Variants in KIF18A observed in about 807,000 individuals in gnomAD.
The protein encoded by KIF18A is kinesin family member 18A.
In KIF18A, 67 loss-of-function variants were observed where a neutral mutation model predicts 103.3. The ratio of observed to expected loss-of-function variants is 0.65; its 90% CI spans 0.53 to 0.79. The LOEUF is 0.79. Ranked by LOEUF, KIF18A falls within the 30% of genes least tolerant of loss-of-function variation. The pLI, the probability that KIF18A is intolerant of heterozygous loss-of-function variation, is 0.00. For missense variants in KIF18A, 1,032 were observed against 1,062.5 expected (o/e 0.97, Z 0.40); for synonymous variants, 367 against 355.5 (o/e 1.03, Z -0.36).
chr11:28,028,750 T>A (rs536718968), intron 15 of KIF18A, among the ~76,000 whole-genome samples: 1 of 152,002 alleles, frequency 6.6e-6, no homozygotes, highest in East Asian at 1.9e-4. Context: ...GCTGGTTTTT[T>A]GAAAAGATCA....
At chr11:28,045,705 C>T (rs112264868) in intron 13 of KIF18A, among the ~76,000 whole-genome samples, 4 of 152,098 alleles carry the variant, frequency 2.6e-5, no homozygotes, top group African/African-American at 9.6e-5. Flanking sequence ...CTTCATCTCT[C>T]ATGATTAGAA....
intron 1 of KIF18A, among the ~76,000 whole-genome samples, chr11:28,105,650 T>G (rs1022910591): frequency 2.0e-5 from 3 of 152,190 alleles, no homozygotes; most frequent in Non-Finnish European, 4.4e-5. Context: ...TATATTTCCT[T>G]ACTTTTGATA....
intron 10 of KIF18A, among the ~76,000 whole-genome samples, chr11:28,071,845 C>T (rs1851020053): frequency 6.6e-6 from 1 of 152,142 alleles, no homozygotes; most frequent in African/African-American, 2.4e-5. Context: ...TTGTACCTAA[C>T]TGAAGGCAGG....
At chr11:28,056,658 A>T (rs1309784001) in intron 13 of KIF18A, among the ~76,000 whole-genome samples, 1 of 151,966 alleles carries the variant, frequency 6.6e-6, no homozygotes, top group Non-Finnish European at 1.5e-5. Flanking sequence ...ATAACATAAT[A>T]AAACTATTAC....
At chr11:28,097,163 C>A (rs916233860) in intron 2 of KIF18A, among the ~76,000 whole-genome samples, 12 of 152,080 alleles carry the variant, frequency 7.9e-5, no homozygotes, top group African/African-American at 2.9e-4. Flanking sequence ...CCTCAGTCTC[C>A]TCCTATCCTT....
At chr11:28,025,513 C>T (rs942201933) in intron 15 of KIF18A, among the ~76,000 whole-genome samples, 2 of 151,898 alleles carry the variant, frequency 1.3e-5, no homozygotes, top group Non-Finnish European at 2.9e-5. Context: ...CTACTTTTTA[C>T]TCATAGCATG....
intron 12 of KIF18A, 36 bp from the exon 13 acceptor site, chr11:28,059,197 T>A: frequency 2.2e-6 from 3 of 1,357,684 alleles, no homozygotes; most frequent in Non-Finnish European, 3.1e-6. Flanking sequence ...GAGAGATAAA[T>A]ATGACATTTT....
rs190679537 is a variant in KIF18A at position 28,090,881 on chromosome 11, A to T, written c.589-154T>A. Among the ~76,000 whole-genome samples the T allele has an allele frequency of 4.4e-3, 671 of 152,292 alleles. 5 individuals carry two copies. The highest frequency in any genetic ancestry group is 0.014 in the African/African-American group (579 of 41,554). On this transcript the variant is annotated intron_variant, in intron 4 of 16. Transcript: ENST00000263181. ...AATACTAACTTTGTCTCATCTGCTT[A>T]GTATTGTGTGTGTTTATATGAAGAA...
chr11:28,045,361 G>A (rs1850618078), intron 13 of KIF18A, among the ~76,000 whole-genome samples: 1 of 150,958 alleles, frequency 6.6e-6, no homozygotes, highest in Non-Finnish European at 1.5e-5. Context: ...AGATTTGGCT[G>A]AGGACTGTGA....
At chr11:28,066,996 A>G (rs1446457248) in intron 11 of KIF18A, among the ~76,000 whole-genome samples, 1 of 151,792 alleles carries the variant, frequency 6.6e-6, no homozygotes, top group African/African-American at 2.4e-5. Flanking sequence ...CACTCCACTT[A>G]AGCTCATAAT....
intron 13 of KIF18A, among the ~76,000 whole-genome samples, chr11:28,054,619 G>T (rs970052580): frequency 6.6e-6 from 1 of 152,086 alleles, no homozygotes; most frequent in Non-Finnish European, 1.5e-5. Context: ...TATAAACACC[G>T]TTCCTATTAT....
chr11:28,069,203 C>T, intron 11 of KIF18A, 56 bp downstream of exon 11: 1 of 1,353,404 alleles, frequency 7.4e-7, no homozygotes, highest in South Asian at 1.2e-5. Context: ...AAAAAGAACA[C>T]ATTTTAGGAG....
chr11:28,032,106 G>GA (rs34227456), intron 15 of KIF18A, among the ~76,000 whole-genome samples: 13,324 of 149,100 alleles, frequency 0.089, 1,041 homozygotes, highest in East Asian at 0.36. Flanking sequence ...GAAATAATTT[G>GA]AAAAAAAAAG....
chr11:28,030,516 A>C (rs990755812), intron 15 of KIF18A, among the ~76,000 whole-genome samples: 2 of 152,182 alleles, frequency 1.3e-5, no homozygotes, highest in South Asian at 2.1e-4. Context: ...CTTACACCTT[A>C]TACAAAAATT....
At chr11:28,044,342 CAT>C (rs1269225943) in intron 13 of KIF18A, among the ~76,000 whole-genome samples, 2 of 151,870 alleles carry the variant, frequency 1.3e-5, no homozygotes, top group African/African-American at 4.8e-5. Flanking sequence ...GTAAATGAAA[CAT>C]AAAAATAAAA....
At position 28,021,077 on chromosome 11, in the gene KIF18A, T is replaced by G. The variant is rs1443444015; in HGVS notation, c.*123A>C. On this transcript the variant is annotated 3_prime_UTR_variant, in exon 17 of 17. Transcript: ENST00000263181. ...TCATTTTTCTGCTTGCTGAAAGTAC[T>G]TGGGTAAACTTAGCTTTAAGATGGG... 2 of 899,462 alleles carry G rather than the reference T, an allele frequency of 2.2e-6. No homozygotes were observed. The highest frequency in any genetic ancestry group is 4.7e-5 in the Admixed American group (1 of 21,478). The allele number at this position is 899,462 out of a possible 1,614,324, so 55.7% of individuals were successfully genotyped here. A position where few individuals can be genotyped will look rare whatever the true frequency, so the allele number is the denominator to read the frequency against.
chr11:28,042,959 T>G (rs1850580562), intron 13 of KIF18A, among the ~76,000 whole-genome samples: 1 of 151,860 alleles, frequency 6.6e-6, no homozygotes, highest in African/African-American at 2.4e-5. Flanking sequence ...TCCCTATCCT[T>G]TACCCTTCAG....
chr11:28,075,765 C>T (rs1047576453), intron 10 of KIF18A, among the ~76,000 whole-genome samples: 1 of 152,098 alleles, frequency 6.6e-6, no homozygotes, highest in African/African-American at 2.4e-5. Context: ...ATCTGTTTCT[C>T]TTAAGAGGCT....
chr11:28,075,851 T>C (rs1851084427), intron 10 of KIF18A, among the ~76,000 whole-genome samples: 1 of 152,192 alleles, frequency 6.6e-6, no homozygotes, highest in African/African-American at 2.4e-5. Flanking sequence ...TGACCAACTT[T>C]AGGGGTTTTC....
Sources: gnomAD v4.1 joint callset for allele counts (sites outside exome capture counted in the v4.1 genomes callset) on GRCh38, gnomAD v4.1.1 for gene constraint, MANE v1.5 for transcripts, NCBI Gene and HGNC (gene_info 2026-07-23, HGNC 2026-07-21) for gene names.